HENMT1: variants seen among roughly 807,000 people sequenced by gnomAD.
HENMT1 encodes HEN methyltransferase 1.
HENMT1 carries 27 observed loss-of-function variants against 31.1 expected under a neutral mutation model. The ratio of observed to expected loss-of-function variants is 0.87; its 90% confidence interval spans 0.64 to 1.20. The LOEUF (loss-of-function observed/expected upper bound fraction) is 1.20, where lower values mean the gene tolerates loss of function less well. Ranked by LOEUF, HENMT1 falls within the 50% of genes most tolerant of loss-of-function variation. The pLI, the probability that HENMT1 is intolerant of heterozygous loss-of-function variation, is 0.00. For synonymous variants in HENMT1, 167 were observed against 172.2 expected, an observed-to-expected ratio of 0.97 and a Z score of 0.24; for missense variants, 438 against 469.6, an observed-to-expected ratio of 0.93 and a Z score of 0.62.
intron 2 of HENMT1, 130 bp downstream of exon 2, chr1:108,659,734 G>C: frequency 1.6e-6 from 1 of 615,810 alleles, no homozygotes; most frequent in Non-Finnish European, 2.9e-6. Flanking sequence ...GTATACCCTT[G>C]TTTACCTCAA....
intron 2 of HENMT1, among the ~76,000 whole-genome samples, chr1:108,657,992 T>C (rs12039695): frequency 0.12 from 17,915 of 145,880 alleles, 1,206 homozygotes; most frequent in Non-Finnish European, 0.15. Context: ...CACATATATA[T>C]ACACACACAC....
chr1:108,660,711 T>G (rs1658431253), intron 1 of HENMT1, among the ~76,000 whole-genome samples: 2 of 151,386 alleles, frequency 1.3e-5, no homozygotes, highest in Admixed American at 6.6e-5. Flanking sequence ...GATCACGAGG[T>G]CAGGAGATCG....
In HENMT1 at chr1:108,651,305, GATTTCT is replaced by G. The variant is rs1350368472; in HGVS notation, c.399-102_399-97del. The G allele has an allele frequency of 4.0e-6, 4 of 994,380 alleles. No individual in the cohort carries two copies. In the East Asian group the frequency reaches 7.6e-5, roughly 19 times the overall value. 61.6% of individuals were successfully genotyped at this position (994,380 alleles called of 1,614,324 possible). A position where few individuals can be genotyped will look rare whatever the true frequency, so the allele number is the denominator to read the frequency against. On this transcript the variant is annotated intron_variant, in intron 5 of 7. Transcript: ENST00000651461. Reference sequence around the variant, plus strand: ...CAAAAACAATTTCCATCTGTGTATCGATTTCTCCCTTCTTTGAATATGTAATAATGC... The same window carrying G: ...CAAAAACAATTTCCATCTGTGTATCGCCCTTCTTTGAATATGTAATAATGC...
At chr1:108,657,617 A>G (rs1475835358) in intron 2 of HENMT1, 38 bp from the exon 3 acceptor site, 1 of 1,580,068 alleles carries the variant, frequency 6.3e-7, no homozygotes, top group East Asian at 2.2e-5. Context: ...GTTCTAAATC[A>G]TGCATGACTT....
In HENMT1 at chr1:108,648,575, A is replaced by G; in HGVS notation, c.1173T>C (p.Phe391=). 1.9e-6 allele frequency: 3 copies of G among 1,612,118 alleles called. No individual in the cohort carries two copies. Among genetic ancestry groups the G allele is most frequent in the Non-Finnish European group, 2.5e-6 (3 of 1,178,238 alleles). The change falls in exon 8 of 8, where the codon TTT becomes TTC. Residue 391 remains phenylalanine, a synonymous_variant. Coordinates refer to ENST00000651461, the MANE Select transcript of HENMT1 (RefSeq NM_001102592.2). ...ADLRNYFDEQ[F]EF ...AGGAAATAAACATGGTTCAAAACTCAAACTGTTCATCAAAATAATTACGCA... is the reference window on the plus strand; with the variant it reads ...AGGAAATAAACATGGTTCAAAACTCGAACTGTTCATCAAAATAATTACGCA...
rs1253253520 is a variant in HENMT1 at position 108,651,488 on chromosome 1, T to TAA, written c.399-280_399-279insTT. 2.2e-5 allele frequency: 6 copies of TAA among 269,294 alleles called. No individual in the cohort carries two copies. The Admixed American group carries it at 3.1e-4, about 14-fold the overall frequency. The allele number at this position is 269,294 out of a possible 1,614,324, so 16.7% of individuals were successfully genotyped here. On this transcript the variant is annotated intron_variant, in intron 5 of 7. Transcript: ENST00000651461. ...GATGAAACCTTGTCTCTACTAAAAA[T>TAA]ACAAAATTTTGCTGGGTGTGGTGGT...
In HENMT1 at chr1:108,648,735, T is replaced by C. The variant is rs747539286; in HGVS notation, c.1013A>G (p.Lys338Arg). The change falls in exon 8 of 8, where the codon AAA becomes AGA. Residue 338 changes from lysine to arginine, a missense_variant. Transcript: ENST00000651461. ...NSPTPFCVGDKFFVPLQRLLA... is the reference protein window; with the variant it reads ...NSPTPFCVGDRFFVPLQRLLA... ...GAGTCTCTGCAGAGGTACGAAAAAT[T>C]TATCTCCAACACAGAAGGGTGTGGG... 3.1e-6 allele frequency: 5 copies of C among 1,614,032 alleles called. No homozygotes were observed. Among genetic ancestry groups the C allele is most frequent in the Non-Finnish European group, 4.2e-6 (5 of 1,180,034 alleles).
chr1:108,655,326 A>G (rs1469700355), intron 4 of HENMT1, among the ~76,000 whole-genome samples: 1 of 152,176 alleles, frequency 6.6e-6, no homozygotes, highest in Non-Finnish European at 1.5e-5. Context: ...TCCAGCATTA[A>G]AGTGATGAGA....
At chr1:108,656,336 A>C (rs1658237279) in intron 3 of HENMT1, among the ~76,000 whole-genome samples, 1 of 152,208 alleles carries the variant, frequency 6.6e-6, no homozygotes, top group East Asian at 1.9e-4. Context: ...TTCAACATCA[A>C]GCAGAAAAAG....
At chr1:108,649,496 G>A (rs546501226) in intron 7 of HENMT1, 280 of 405,298 alleles carry the variant, frequency 6.9e-4, no homozygotes, top group Non-Finnish European at 1.1e-3. Context: ...CACGCCTGTC[G>A]TCCTAGCTAC....
chr1:108,655,440 T>A, intron 4 of HENMT1, 146 bp downstream of exon 4: 1 of 501,762 alleles, frequency 2.0e-6, no homozygotes, highest in Non-Finnish European at 3.5e-6. Flanking sequence ...TTTTTAGTGT[T>A]ATGGCAAAGC....
intron 5 of HENMT1, among the ~76,000 whole-genome samples, chr1:108,652,391 G>C (rs902456314): frequency 1.3e-5 from 2 of 152,156 alleles, no homozygotes; most frequent in Non-Finnish European, 2.9e-5. Context: ...AATACACGTA[G>C]AAAGTTATAT....
chr1:108,650,231 C>G lies in HENMT1; in HGVS notation c.736G>C (p.Asp246His). Reference protein sequence around the residue: ...ATESCLSEQHDQHVYKAVFTT... With the variant: ...ATESCLSEQHHQHVYKAVFTT... ...CTCACAGCTTTATAAACATGCTGAT[C>G]ATGCTGCTCTGAAAGACATGATTCT... The change falls in exon 7 of 8, where the codon GAT (aspartate) becomes CAT (histidine). Residue 246 changes from aspartate to histidine, a missense_variant. Coordinates refer to ENST00000651461, the MANE Select transcript of HENMT1 (RefSeq NM_001102592.2). 1 of 1,614,100 alleles carries G rather than the reference C, an allele frequency of 6.2e-7. No homozygotes were observed. The highest frequency in any genetic ancestry group is 8.5e-7 in the Non-Finnish European group (1 of 1,179,972).
At position 108,660,168 on chromosome 1, in the gene HENMT1, T is replaced by C. The variant is rs187521822; in HGVS notation, c.-78-206A>G. ...AAAGCAGGACTCGAACAGATATTTA[T>C]ACACCGAAGTTCATAGCATTATTCA... is the stretch of plus-strand genomic sequence containing the variant. On this transcript the variant is annotated intron_variant, in intron 1 of 7. Coordinates refer to ENST00000651461, the MANE Select transcript of HENMT1 (RefSeq NM_001102592.2). Among the ~76,000 whole-genome samples, 29 of 148,684 alleles carry C rather than the reference T, an allele frequency of 2.0e-4. No homozygotes were observed. In the East Asian group the frequency reaches 2.3e-3, roughly 12 times the overall value.
chr1:108,653,033 T>C (rs1471868470), intron 5 of HENMT1, among the ~76,000 whole-genome samples: 19 of 137,796 alleles, frequency 1.4e-4, no homozygotes, highest in African/African-American at 2.8e-4. Context: ...TATACATCCC[T>C]TTTTTTTTTT....
Position 108,649,002 on chromosome 1 carries a change from A to G in HENMT1, c.757-11T>C, listed in dbSNP as rs749643656. On this transcript the variant is annotated splice_polypyrimidine_tract_variant and intron_variant, in intron 7 of 7. Transcript: ENST00000651461. ...TGAGGTGGTAAAAACCTGAAGGGAA[A>G]AAACAAAACACTTACAAGTGTATAA... 6.4e-7 allele frequency: 1 copy of G among 1,556,996 alleles called. No homozygotes were observed. The highest frequency in any genetic ancestry group is 1.2e-5 in the South Asian group (1 of 83,012).
At chr1:108,651,409 C>T (rs1220718238) in intron 5 of HENMT1, 200 bp from the exon 6 acceptor site, 3 of 527,394 alleles carry the variant, frequency 5.7e-6, no homozygotes, top group Non-Finnish European at 1.0e-5. Context: ...CTTTGGGAGG[C>T]CAAGGTGGAT....
chr1:108,660,567 CAT>C (rs1658422725), intron 1 of HENMT1, among the ~76,000 whole-genome samples: 1 of 152,222 alleles, frequency 6.6e-6, no homozygotes, highest in South Asian at 2.1e-4. Context: ...CTCTATTGCA[CAT>C]GTGTCTCCAA....
chr1:108,656,228 A>T (rs967390276), intron 3 of HENMT1, among the ~76,000 whole-genome samples: 20 of 152,338 alleles, frequency 1.3e-4, no homozygotes, highest in African/African-American at 4.8e-4. Context: ...AGATGGCTAC[A>T]AAGATATAAA....
Sources: gnomAD v4.1 joint callset for allele counts (sites outside exome capture counted in the v4.1 genomes callset) on GRCh38, gnomAD v4.1.1 for gene constraint, MANE v1.5 for transcripts, NCBI Gene and HGNC (gene_info 2026-07-23, HGNC 2026-07-21) for gene names.